The following EPB41L4A variants were observed in gnomAD, a reference collection of about 807,000 sequenced individuals.
The protein encoded by EPB41L4A is band 4.1-like protein 4A.
EPB41L4A carries 100 observed loss-of-function variants against 108.6 expected under a neutral mutation model. The observed-to-expected ratio is 0.92, with a 90% CI of 0.78 to 1.09. The LOEUF (loss-of-function observed/expected upper bound fraction) is 1.09, where lower values mean the gene tolerates loss of function less well. Among genes scored for constraint, EPB41L4A ranks in the 50% least tolerant of loss-of-function variants. EPB41L4A has a pLI of 0.00. For missense variants in EPB41L4A, 1,030 were observed against 842.7 expected, an observed-to-expected ratio of 1.22 and a Z score of -2.75; for synonymous variants, 319 against 289.0, an observed-to-expected ratio of 1.10 and a Z score of -1.05.
intron 1 of EPB41L4A, among the ~76,000 whole-genome samples, chr5:112,323,430 AACATG>A (rs1414119539): frequency 2.0e-5 from 3 of 152,232 alleles, no homozygotes; most frequent in Non-Finnish European, 4.4e-5. Context: ...TGTCTACATT[AACATG>A]ACTTCACTAT....
At chr5:112,222,393 C>G (rs1425912344) in intron 12 of EPB41L4A, among the ~76,000 whole-genome samples, 2 of 152,152 alleles carry the variant, frequency 1.3e-5, no homozygotes, top group African/African-American at 4.8e-5. Context: ...CTTAATGTTT[C>G]CATGCCTCAG....
At position 112,240,710 on chromosome 5, in the gene EPB41L4A, T is replaced by A. The variant is rs773104664; in HGVS notation, c.887+9A>T. On this transcript the variant is annotated intron_variant, in intron 10 of 22. Coordinates refer to ENST00000261486, the MANE Select transcript of EPB41L4A (RefSeq NM_022140.5). The stretch of plus-strand genomic sequence containing the variant: ...TAAGACAACAAACAAAATTTTTACA[T>A]CAATTTACCTAAAAAATGTATGATG... The A allele has an allele frequency of 5.4e-6, 8 of 1,493,456 alleles. No homozygotes were observed. In the African/African-American group the frequency reaches 5.8e-5, roughly 11 times the overall value. 92.5% of individuals were successfully genotyped at this position (1,493,456 alleles called of 1,614,324 possible).
chr5:112,358,340 A>G (rs554439444), intron 1 of EPB41L4A, among the ~76,000 whole-genome samples: 1 of 152,346 alleles, frequency 6.6e-6, no homozygotes, highest in Non-Finnish European at 1.5e-5. Flanking sequence ...TAACTTTATA[A>G]TTTAGTTTCT....
rs1348098783 is a variant in EPB41L4A, at chr5:112,275,007, TTAGGCAGTTCAAA to T, written c.335+306_335+318del. Reference sequence around the variant, plus strand: ...AACTGAACATCAAAATATCCTTCCTTTAGGCAGTTCAAATAACTTCGATATGAATACAAAGGCT... The same window carrying T: ...AACTGAACATCAAAATATCCTTCCTTTAACTTCGATATGAATACAAAGGCT... On this transcript the variant is annotated intron_variant, in intron 4 of 22. Coordinates refer to ENST00000261486, the MANE Select transcript of EPB41L4A (RefSeq NM_022140.5). Among the ~76,000 whole-genome samples the T allele has an allele frequency of 4.6e-5, 7 of 152,306 alleles. No individual in the cohort carries two copies. In the East Asian group the frequency reaches 1.3e-3, roughly 29 times the overall value.
intron 13 of EPB41L4A, among the ~76,000 whole-genome samples, chr5:112,145,047 T>C (rs1759197914): frequency 1.3e-5 from 2 of 152,220 alleles, no homozygotes; most frequent in South Asian, 4.1e-4. Flanking sequence ...CCCGGCACTT[T>C]GGGAGGCCGA....
intron 12 of EPB41L4A, among the ~76,000 whole-genome samples, chr5:112,223,810 C>T (rs1174419157): frequency 2.0e-5 from 3 of 152,190 alleles, no homozygotes; most frequent in African/African-American, 4.8e-5. Flanking sequence ...AAAGACAGCA[C>T]TTTTTAACTA....
At chr5:112,254,058 T>C (rs770747818) in intron 9 of EPB41L4A, among the ~76,000 whole-genome samples, 3 of 152,194 alleles carry the variant, frequency 2.0e-5, no homozygotes, top group Non-Finnish European at 4.4e-5. Flanking sequence ...CTTTTGGTTC[T>C]ACATCCTGTC....
At chr5:112,266,142 T>A in intron 5 of EPB41L4A, 91 bp downstream of exon 5, 1 of 896,818 alleles carries the variant, frequency 1.1e-6, no homozygotes, top group Non-Finnish European at 1.7e-6. Context: ...ATCTCATGGA[T>A]AAGAAGAGTT....
chr5:112,214,159 G>C (rs539818108), intron 12 of EPB41L4A, among the ~76,000 whole-genome samples: 1 of 152,172 alleles, frequency 6.6e-6, no homozygotes, highest in African/African-American at 2.4e-5. Context: ...GCTCAGACTC[G>C]GGCTACAGAG....
chr5:112,312,386 T>C (rs1755107675), intron 1 of EPB41L4A, among the ~76,000 whole-genome samples: 1 of 152,198 alleles, frequency 6.6e-6, no homozygotes, highest in Non-Finnish European at 1.5e-5. Flanking sequence ...CATCTTTTGT[T>C]ACCCTCTACC....
rs1316432864 is a variant in EPB41L4A at position 112,162,881 on chromosome 5, A to C, written c.*2109T>G. On this transcript the variant is annotated 3_prime_UTR_variant, in exon 23 of 23. Transcript: ENST00000261486. ...ATATACAGAGGCTTGGGCTAGAAAA[A>C]AGATACCGTTAGTCCACTTACTTTT... 6.6e-6 allele frequency: 1 copy of C among 152,236 alleles called. No homozygotes were observed. Among genetic ancestry groups the C allele is most frequent in the East Asian group, 1.9e-4 (1 of 5,200 alleles). 9.4% of individuals were successfully genotyped at this position (152,236 alleles called of 1,614,324 possible).
chr5:112,266,069 G>C lies in EPB41L4A; in HGVS notation c.433+164C>G, dbSNP rs74395258. 9.4e-3 allele frequency among the ~76,000 whole-genome samples: 1,425 copies of C among 152,284 alleles called. 7 individuals are homozygous for C. Among genetic ancestry groups the C allele is most frequent in the African/African-American group, 0.014 (564 of 41,568 alleles). ...TTTGTACTAGGCTCCACTTTTACCT[G>C]TTCCGAAGGAACACTGAACAAAACT... On this transcript the variant is annotated intron_variant, in intron 5 of 22. Transcript: ENST00000261486.
At chr5:112,241,654 G>A (rs1046166580) in intron 9 of EPB41L4A, among the ~76,000 whole-genome samples, 8 of 152,186 alleles carry the variant, frequency 5.3e-5, no homozygotes, top group African/African-American at 1.9e-4. Context: ...AAAGTATATG[G>A]GAGAATGTGT....
Position 112,209,877 on chromosome 5 carries a change from GT to G in EPB41L4A, c.1178+14del. The G allele has an allele frequency of 6.6e-7, 1 of 1,523,412 alleles. No individual in the cohort carries two copies. Among genetic ancestry groups the G allele is most frequent in the South Asian group, 1.1e-5 (1 of 87,128 alleles). The allele number at this position is 1,523,412 out of a possible 1,614,324, so 94.4% of individuals were successfully genotyped here. A position where few individuals can be genotyped will look rare whatever the true frequency, so the allele number is the denominator to read the frequency against. On this transcript the variant is annotated intron_variant, in intron 13 of 22. Transcript: ENST00000261486. Reference sequence around the variant, plus strand: ...CAGCATATAATTGTACGTTTCTTCAGTTAACTTCACTGACCTTTTTACTGGT... The same window carrying G: ...CAGCATATAATTGTACGTTTCTTCAGTAACTTCACTGACCTTTTTACTGGT...
rs115543108 is a variant in EPB41L4A, at chr5:112,355,681, T to G, written c.100-48191A>C. On this transcript the variant is annotated intron_variant, in intron 1 of 22. Coordinates refer to ENST00000261486, the MANE Select transcript of EPB41L4A (RefSeq NM_022140.5). ...ATGTTTTGCCGAAGAACACCACCCATGGAGAATTCCACTCCTTCACCTCTT... is the reference window on the plus strand; with the variant it reads ...ATGTTTTGCCGAAGAACACCACCCAGGGAGAATTCCACTCCTTCACCTCTT... 7.3e-3 allele frequency among the ~76,000 whole-genome samples: 1,110 copies of G among 152,302 alleles called. 10 individuals are homozygous for G. The highest frequency in any genetic ancestry group is 0.026 in the African/African-American group (1,061 of 41,570).
At chr5:112,358,455 T>TA (rs1758504385) in intron 1 of EPB41L4A, among the ~76,000 whole-genome samples, 1 of 152,234 alleles carries the variant, frequency 6.6e-6, no homozygotes, top group African/African-American at 2.4e-5. Context: ...AAGATCCTGA[T>TA]ACGTACCCAT....
chr5:112,280,618 C>T (rs1207266881), intron 2 of EPB41L4A, among the ~76,000 whole-genome samples: 1 of 152,108 alleles, frequency 6.6e-6, no homozygotes, highest in East Asian at 1.9e-4. Flanking sequence ...GGCATGACCC[C>T]ATCTTTTAAA....
chr5:112,152,002 G>C (rs921673647), intron 12 of EPB41L4A, among the ~76,000 whole-genome samples: 2 of 152,148 alleles, frequency 1.3e-5, no homozygotes, highest in African/African-American at 4.8e-5. Context: ...AAAGTGCTGG[G>C]ATTACAGGCG....
intron 12 of EPB41L4A, among the ~76,000 whole-genome samples, chr5:112,215,101 C>T (rs1747520780): frequency 6.6e-6 from 1 of 152,154 alleles, no homozygotes; most frequent in South Asian, 2.1e-4. Flanking sequence ...TCTGTTTCTA[C>T]CATTTTTGCC....
Sources: allele counts gnomAD v4.1 joint callset (sites outside exome capture counted in the v4.1 genomes callset), GRCh38; gene constraint gnomAD v4.1.1; transcripts MANE v1.5; gene names NCBI Gene and HGNC (gene_info 2026-07-23, HGNC 2026-07-21).